Variants in TTLL11 observed in about 807,000 individuals in gnomAD.
TTLL11 encodes the protein tubulin polyglutamylase TTLL11.
Under a neutral mutation model 51.7 loss-of-function variants are expected in TTLL11, and 42 were observed. The observed-to-expected ratio is 0.81, with a 90% CI of 0.64 to 1.05. The LOEUF (loss-of-function observed/expected upper bound fraction) is 1.05, where lower values mean the gene tolerates loss of function less well. TTLL11 is among the 50% of genes least tolerant of loss of function. The probability of loss-of-function intolerance (pLI) is 0.00; values close to 1 mark genes in which losing one functional copy is unlikely to be tolerated. For synonymous variants in TTLL11, 381 were observed against 383.5 expected, an observed-to-expected ratio of 0.99 and a Z score of 0.08; for missense variants, 799 against 940.4, an observed-to-expected ratio of 0.85 and a Z score of 1.97.
rs981794510 is a variant in TTLL11 at position 121,817,877 on chromosome 9, C to T, written c.*4710G>A. 2.0e-5 allele frequency: 3 copies of T among 152,272 alleles called. No homozygotes were observed. Among genetic ancestry groups the T allele is most frequent in the African/African-American group, 7.2e-5 (3 of 41,446 alleles). 9.4% of individuals were successfully genotyped at this position (152,272 alleles called of 1,614,324 possible). A position where few individuals can be genotyped will look rare whatever the true frequency, so the allele number is the denominator to read the frequency against. On this transcript the variant is annotated 3_prime_UTR_variant, in exon 9 of 9. Coordinates refer to ENST00000321582, the MANE Select transcript of TTLL11 (RefSeq NM_001139442.2). ...GGGAAAACAGAGTGCCAGTGATCCT[C>T]ATCCTTGGTGGGTTGGATGGATCTA...
rs191383482 is a variant in TTLL11 at position 121,929,400 on chromosome 9, A to C, written c.1481+44609T>G. 2.2e-3 allele frequency among the ~76,000 whole-genome samples: 332 copies of C among 152,126 alleles called. 2 individuals carry two copies. Among genetic ancestry groups the C allele is most frequent in the African/African-American group, 7.7e-3 (321 of 41,506 alleles). ...GGTTGCAGTGAGCCGAGATCACACC[A>C]TAGCACTCCAGCCTGGGCAACAGAG... On this transcript the variant is annotated intron_variant, in intron 6 of 8. Transcript: ENST00000321582.
chr9:122,053,820 AG>A (rs1226620524), intron 1 of TTLL11, among the ~76,000 whole-genome samples: 1 of 152,110 alleles, frequency 6.6e-6, no homozygotes, highest in Non-Finnish European at 1.5e-5. Context: ...CACCTCCGCC[AG>A]GTTCCTAGTC....
At chr9:121,952,537 G>A (rs1262849980) in intron 6 of TTLL11, among the ~76,000 whole-genome samples, 2 of 151,574 alleles carry the variant, frequency 1.3e-5, no homozygotes, top group Non-Finnish European at 2.9e-5. Flanking sequence ...CCCAGCTTCT[G>A]TTTGGGGAGG....
At chr9:121,869,368 T>G (rs572990981) in intron 7 of TTLL11, among the ~76,000 whole-genome samples, 16 of 152,208 alleles carry the variant, frequency 1.1e-4, no homozygotes, top group Non-Finnish European at 2.2e-4. Flanking sequence ...GTGAAAAGCA[T>G]GACTTTGAGG....
chr9:122,029,186 A>C (rs1410923077), intron 3 of TTLL11, among the ~76,000 whole-genome samples: 2 of 152,222 alleles, frequency 1.3e-5, no homozygotes, highest in Non-Finnish European at 2.9e-5. Context: ...AGAATACTTG[A>C]TAATGATAAT....
In TTLL11 at chr9:121,945,065, G is replaced by A. The variant is rs62574004; in HGVS notation, c.1481+28944C>T. Among the ~76,000 whole-genome samples the A allele has an allele frequency of 2.6e-3, 398 of 152,284 alleles. 1 individual carries two copies. Among genetic ancestry groups the A allele is most frequent in the Non-Finnish European group, 4.5e-3 (304 of 68,022 alleles). The stretch of plus-strand genomic sequence containing the variant: ...TAGTAGCCCAATCTGGAGGCCTGTG[G>A]TTTAACAAGCAACTAATTAGAAACT... On this transcript the variant is annotated intron_variant, in intron 6 of 8. Transcript: ENST00000321582.
intron 3 of TTLL11, among the ~76,000 whole-genome samples, chr9:122,029,010 T>C (rs961565209): frequency 6.6e-6 from 1 of 152,228 alleles, no homozygotes; most frequent in Non-Finnish European, 1.5e-5. Context: ...TCCTGAGATG[T>C]ATCCATAGCA....
At chr9:122,036,022 T>C (rs754184641) in intron 2 of TTLL11, among the ~76,000 whole-genome samples, 1 of 152,198 alleles carries the variant, frequency 6.6e-6, no homozygotes, top group Non-Finnish European at 1.5e-5. Context: ...CCATCCATCC[T>C]GGAGGCTCAG....
chr9:121,978,503 C>T (rs1842764198), intron 4 of TTLL11, among the ~76,000 whole-genome samples: 1 of 151,404 alleles, frequency 6.6e-6, no homozygotes, highest in African/African-American at 2.4e-5. Context: ...ATTGAAAATT[C>T]ACTTTGTGCA....
chr9:121,831,497 G>A (rs1364726991), intron 8 of TTLL11, among the ~76,000 whole-genome samples: 3 of 151,904 alleles, frequency 2.0e-5, no homozygotes, highest in Non-Finnish European at 4.4e-5. Flanking sequence ...TCAGGCATTC[G>A]AGACCAGCCT....
Position 121,925,478 on chromosome 9 carries a change from G to A in TTLL11, c.1481+48531C>T, listed in dbSNP as rs985113441. On this transcript the variant is annotated intron_variant, in intron 6 of 8. Transcript: ENST00000321582. Reference sequence around the variant, plus strand: ...CCCCTCCGTTTTCTGGACACATCAGGCCTGTTCATGGCTCCAGGCCTTTGC... The same window carrying A: ...CCCCTCCGTTTTCTGGACACATCAGACCTGTTCATGGCTCCAGGCCTTTGC... Among the ~76,000 whole-genome samples the A allele has an allele frequency of 3.7e-5, 5 of 136,356 alleles. No homozygotes were observed. The Admixed American group carries it at 4.0e-4, about 11-fold the overall frequency. 89.5% of individuals were successfully genotyped at this position (136,356 alleles called of 152,430 possible).
At chr9:121,875,391 T>A (rs1838527368) in intron 6 of TTLL11, among the ~76,000 whole-genome samples, 1 of 152,186 alleles carries the variant, frequency 6.6e-6, no homozygotes, top group Non-Finnish European at 1.5e-5. Flanking sequence ...AATGAGTCTG[T>A]TTTTTCTTCT....
At chr9:121,840,311 C>T (rs1003695368) in intron 8 of TTLL11, among the ~76,000 whole-genome samples, 1 of 152,204 alleles carries the variant, frequency 6.6e-6, no homozygotes, top group African/African-American at 2.4e-5. Context: ...ATGCATGGAA[C>T]ACAGTGCGCT....
rs184405458 is a variant in TTLL11 at position 122,075,228 on chromosome 9, G to T, written c.462+17459C>A. ...TTAATATTCTTTCCTTGAGGAATGG[G>T]TCCCTTTTTCTAATTCACACAAAAC... On this transcript the variant is annotated intron_variant, in intron 1 of 8. Coordinates refer to ENST00000321582, the MANE Select transcript of TTLL11 (RefSeq NM_001139442.2). Among the ~76,000 whole-genome samples, 1,119 of 152,254 alleles carry T rather than the reference G, an allele frequency of 7.3e-3. 12 individuals carry two copies. Among genetic ancestry groups the T allele is most frequent in the South Asian group, 0.025 (120 of 4,820 alleles).
chr9:122,054,288 G>A (rs1179900923), intron 1 of TTLL11, among the ~76,000 whole-genome samples: 2 of 151,844 alleles, frequency 1.3e-5, no homozygotes, highest in Non-Finnish European at 2.9e-5. Context: ...ACAATGGGGA[G>A]GAAAAAAACC....
At chr9:121,883,300 T>C (rs1588092634) in intron 6 of TTLL11, among the ~76,000 whole-genome samples, 1 of 152,308 alleles carries the variant, frequency 6.6e-6, no homozygotes, top group East Asian at 1.9e-4. Flanking sequence ...TCCAGAGGTG[T>C]TGAGGGACTT....
chr9:121,897,775 T>C (rs1212098537), intron 6 of TTLL11, among the ~76,000 whole-genome samples: 1 of 152,222 alleles, frequency 6.6e-6, no homozygotes, highest in Non-Finnish European at 1.5e-5. Context: ...CAGTTTCCCC[T>C]TGGTCCTGAC....
At chr9:121,867,684 C>T (rs1290296391) in intron 7 of TTLL11, among the ~76,000 whole-genome samples, 1 of 152,178 alleles carries the variant, frequency 6.6e-6, no homozygotes, top group Admixed American at 6.5e-5. Flanking sequence ...AACCCTGCCT[C>T]CTCTCGGGAG....
At chr9:122,008,881 G>A (rs754841140) in intron 3 of TTLL11, among the ~76,000 whole-genome samples, 15 of 152,234 alleles carry the variant, frequency 9.9e-5, no homozygotes, top group Non-Finnish European at 5.9e-5. Flanking sequence ...AGGAAATCCT[G>A]TCATTTGCAA....
Sources: gnomAD v4.1 joint callset for allele counts (sites outside exome capture counted in the v4.1 genomes callset) on GRCh38, gnomAD v4.1.1 for gene constraint, MANE v1.5 for transcripts, NCBI Gene and HGNC (gene_info 2026-07-23, HGNC 2026-07-21) for gene names.